The following GJC1 variants were observed in gnomAD, a reference collection of about 807,000 sequenced individuals.
GJC1 encodes the protein gap junction gamma-1 protein.
GJC1 carries 5 observed loss-of-function variants against 29.3 expected under a neutral mutation model. The observed-to-expected ratio is 0.17, with a 90% CI of 0.09 to 0.36. The LOEUF (loss-of-function observed/expected upper bound fraction) is 0.36. Ranked by LOEUF, GJC1 falls within the 10% of genes least tolerant of loss-of-function variation. The probability of loss-of-function intolerance (pLI) is 1.00; values close to 1 mark genes in which losing one functional copy is unlikely to be tolerated. For synonymous variants in GJC1, 177 were observed against 183.3 expected (o/e 0.97, Z 0.28); for missense variants, 310 against 496.2 (o/e 0.62, Z 3.56).
chr17:44,829,897 C>A (rs987035175), intron 1 of GJC1, among the ~76,000 whole-genome samples, 165 bp downstream of exon 1: 1 of 151,984 alleles, frequency 6.6e-6, no homozygotes, highest in Non-Finnish European at 1.5e-5. Context: ...GGCGGGAACC[C>A]CTCGGCGGCG....
At chr17:44,818,934 C>A (rs1033387406) in intron 1 of GJC1, among the ~76,000 whole-genome samples, 1 of 151,994 alleles carries the variant, frequency 6.6e-6, no homozygotes, top group East Asian at 1.9e-4. Context: ...ATGGCGAGAC[C>A]CCGTCTCTAT....
intron 1 of GJC1, among the ~76,000 whole-genome samples, chr17:44,810,735 C>G (rs570831384): frequency 6.6e-6 from 1 of 152,238 alleles, no homozygotes; most frequent in East Asian, 1.9e-4. Context: ...GAGCGGGGAT[C>G]TGGATACCTG....
In GJC1 at chr17:44,816,983, G is replaced by A. The variant is rs111884360; in HGVS notation, c.-96-9514C>T. ...CCCAGCACTTTGGGAGGCCAAGGCGGGCGGATCACCTGAAGTCAGGAGTTC... is the reference window on the plus strand; with the variant it reads ...CCCAGCACTTTGGGAGGCCAAGGCGAGCGGATCACCTGAAGTCAGGAGTTC... On this transcript the variant is annotated intron_variant, in intron 1 of 2. Coordinates refer to ENST00000592524, the MANE Select transcript of GJC1 (RefSeq NM_005497.4). 3.7e-3 allele frequency among the ~76,000 whole-genome samples: 556 copies of A among 152,052 alleles called. 4 individuals are homozygous for A. The highest frequency in any genetic ancestry group is 0.013 in the African/African-American group (529 of 41,494).
chr17:44,806,444 G>T (rs1328310316), intron 2 of GJC1, among the ~76,000 whole-genome samples: 3 of 141,242 alleles, frequency 2.1e-5, no homozygotes, highest in African/African-American at 8.1e-5. Flanking sequence ...CTTTCGCTCA[G>T]GCTGCAGTGC....
At chr17:44,810,847 C>T (rs1426629603) in intron 1 of GJC1, among the ~76,000 whole-genome samples, 1 of 152,064 alleles carries the variant, frequency 6.6e-6, no homozygotes, top group Non-Finnish European at 1.5e-5. Flanking sequence ...AGACCTAAGT[C>T]ACTGCAGCCT....
At chr17:44,814,277 A>G (rs1045746340) in intron 1 of GJC1, among the ~76,000 whole-genome samples, 1 of 151,696 alleles carries the variant, frequency 6.6e-6, no homozygotes, top group African/African-American at 2.4e-5. Flanking sequence ...AGAAGCTGGG[A>G]CTACAGGTGC....
chr17:44,817,686 G>C (rs1294802670), intron 1 of GJC1, among the ~76,000 whole-genome samples: 4 of 151,704 alleles, frequency 2.6e-5, no homozygotes, highest in African/African-American at 9.7e-5. Flanking sequence ...CTCCAGCCTG[G>C]GCAACAAGAG....
At chr17:44,827,944 A>C (rs1299669725) in intron 1 of GJC1, among the ~76,000 whole-genome samples, 1 of 152,150 alleles carries the variant, frequency 6.6e-6, no homozygotes, top group African/African-American at 2.4e-5. Context: ...ATAAAGCAAT[A>C]TTTTTTGGAA....
At chr17:44,814,081 TGTG>T (rs2050014683) in intron 1 of GJC1, among the ~76,000 whole-genome samples, 1 of 152,270 alleles carries the variant, frequency 6.6e-6, no homozygotes, top group African/African-American at 2.4e-5. Context: ...CACTGCCAAT[TGTG>T]GTCTCACTGT....
At position 44,804,722 on chromosome 17, in the gene GJC1, G is replaced by A. The variant is rs747790250; in HGVS notation, c.1096C>T (p.Arg366Trp). 2.3e-5 allele frequency: 37 copies of A among 1,613,964 alleles called. No homozygotes were observed. The East Asian group carries it at 3.3e-4, about 15-fold the overall frequency. The change falls in exon 3 of 3, where the codon CGG becomes TGG. Residue 366 changes from arginine (R) to tryptophan (W), a missense_variant. Physicochemically the swap from Arg to Trp is moderately radical, Grantham distance 101. Transcript: ENST00000592524. ...YSHQNNPHGP[R>W]EKKAKVGSKA... is the part of the protein sequence containing the mutation. ...GACCCCACTTTGGCCTTCTTCTCCC[G>A]GGGACCATGAGGGTTGTTTTGGTGA...
chr17:44,796,868 G>A (rs552836934), downstream of GJC1, among the ~76,000 whole-genome samples: 2 of 152,112 alleles, frequency 1.3e-5, no homozygotes, highest in South Asian at 4.2e-4. Flanking sequence ...GACAGACAGG[G>A]TCTCGCTCTT....
At chr17:44,796,003 G>A (rs118049286), downstream of GJC1, among the ~76,000 whole-genome samples, 4,811 of 152,298 alleles carry the variant, frequency 0.032, 104 homozygotes, top group Middle Eastern at 0.054. Flanking sequence ...TTGGCGGCCC[G>A]GGCTCTCCTC....
intron 1 of GJC1, among the ~76,000 whole-genome samples, chr17:44,808,602 A>C (rs559215748): frequency 5.3e-5 from 8 of 151,948 alleles, no homozygotes; most frequent in Non-Finnish European, 7.4e-5. Flanking sequence ...AACAACAACA[A>C]CACACACCCC....
chr17:44,813,399 T>C (rs2050005961), intron 1 of GJC1: 3 of 151,606 alleles, frequency 2.0e-5, no homozygotes, highest in African/African-American at 4.8e-5. Flanking sequence ...TTTCCTAAAA[T>C]GAATGGCAGT....
At position 44,804,675 on chromosome 17, in the gene GJC1, G is replaced by T; in HGVS notation, c.1143C>A (p.Ser381Arg). ...KVGSKAGSNK[S>R]TASSKSGDGK... ...CATCCCCTGATTTGCTACTGGCAGT[G>T]CTTTTGTTGGACCCAGCTTTGGACC... Residue 381 changes from serine to arginine, a missense_variant, in exon 3 of 3, where the codon AGC (serine) becomes AGA (arginine). Around this residue, in one of 4 missense-constraint regions of GJC1, gnomAD observed 146 missense variants for 165.0 expected, o/e 0.88. Transcript: ENST00000592524. The T allele has an allele frequency of 6.2e-7, 1 of 1,614,134 alleles. No homozygotes were observed. Among genetic ancestry groups the T allele is most frequent in the Non-Finnish European group, 8.5e-7 (1 of 1,180,006 alleles).
intron 1 of GJC1, among the ~76,000 whole-genome samples, chr17:44,810,109 G>A (rs1033379282): frequency 6.6e-6 from 1 of 151,318 alleles, no homozygotes. Flanking sequence ...TGATCCACCC[G>A]CCTCGGCCTC....
chr17:44,819,357 T>G (rs944771054), intron 1 of GJC1, among the ~76,000 whole-genome samples: 3 of 152,162 alleles, frequency 2.0e-5, no homozygotes, highest in African/African-American at 7.2e-5. Flanking sequence ...TTATACCATG[T>G]GTCAGAATTT....
chr17:44,804,795 C>T lies in GJC1; in HGVS notation c.1023G>A (p.Glu341=), dbSNP rs1474937466. 3.1e-6 allele frequency: 5 copies of T among 1,614,214 alleles called. No homozygotes were observed. The highest frequency in any genetic ancestry group is 4.2e-6 in the Non-Finnish European group (5 of 1,180,042). ...LPADLEALQR[E]IRMAQERLDL... ...CCAAGCGTTCCTGAGCCATCCTGAT[C>T]TCCCGCTGCAGAGCCTCCAGGTCAG... The change falls in exon 3 of 3, where the codon GAG becomes GAA. Residue 341 remains glutamate, a synonymous_variant. Transcript: ENST00000592524.
chr17:44,813,585 C>A (rs145262326), intron 1 of GJC1, among the ~76,000 whole-genome samples: 2 of 148,320 alleles, frequency 1.3e-5, no homozygotes, highest in Admixed American at 6.8e-5. Flanking sequence ...CTCCATCTCC[C>A]GGGTTCAAGC....
Sources: gnomAD v4.1 joint callset for allele counts (sites outside exome capture counted in the v4.1 genomes callset) on GRCh38, gnomAD v4.1.1 for gene constraint, gnomAD v4.1.1 regional missense constraint, MANE v1.5 for transcripts, NCBI Gene and HGNC (gene_info 2026-07-23, HGNC 2026-07-21) for gene names.